The following PLEKHO2 variants were observed in gnomAD, a reference collection of about 807,000 sequenced individuals.
PLEKHO2 encodes pleckstrin homology domain-containing family O member 2.
PLEKHO2 carries 20 observed loss-of-function variants against 32.7 expected under a neutral mutation model. The ratio of observed to expected loss-of-function variants is 0.61; its 90% CI spans 0.43 to 0.89. The LOEUF (loss-of-function observed/expected upper bound fraction) is 0.89, where lower values mean the gene tolerates loss of function less well. Among genes scored for constraint, PLEKHO2 ranks in the 40% least tolerant of loss-of-function variants. PLEKHO2 has a pLI of 0.00. For missense variants in PLEKHO2, 568 were observed against 621.2 expected (o/e 0.91, Z 0.91); for synonymous variants, 247 against 246.3 (o/e 1.00, Z -0.03).
At chr15:64,858,686 TA>T (rs1418027344) in intron 3 of PLEKHO2, among the ~76,000 whole-genome samples, 1 of 152,210 alleles carries the variant, frequency 6.6e-6, no homozygotes, top group Non-Finnish European at 1.5e-5. Context: ...TGCTAATTCC[TA>T]TTACTGAGTA....
At chr15:64,844,044 C>T (rs866126658) in intron 1 of PLEKHO2, among the ~76,000 whole-genome samples, 20 of 152,230 alleles carry the variant, frequency 1.3e-4, no homozygotes, top group African/African-American at 4.6e-4. Flanking sequence ...CCTCCCACTT[C>T]TCCCAGTAGC....
rs866111472 is a variant in PLEKHO2 at position 64,864,447 on chromosome 15, G to A, written c.484-452G>A. 3.3e-5 allele frequency among the ~76,000 whole-genome samples: 5 copies of A among 152,316 alleles called. 1 individual carries two copies. The highest frequency in any genetic ancestry group is 4.1e-4 in the South Asian group (2 of 4,828). Reference sequence around the variant, plus strand: ...AGAAGTATGTTTGAGTCCTGGTCCTGTCTCTGACTGACCAACTGGTTGTGG... The same window carrying A: ...AGAAGTATGTTTGAGTCCTGGTCCTATCTCTGACTGACCAACTGGTTGTGG... On this transcript the variant is annotated intron_variant, in intron 5 of 5. Coordinates refer to ENST00000323544, the MANE Select transcript of PLEKHO2 (RefSeq NM_025201.5).
At chr15:64,861,869 A>G (rs2084644292) in intron 5 of PLEKHO2, among the ~76,000 whole-genome samples, 1 of 152,194 alleles carries the variant, frequency 6.6e-6, no homozygotes, top group South Asian at 2.1e-4. Flanking sequence ...CCTGCCCCTC[A>G]GAGCTCGTCT....
intron 1 of PLEKHO2, among the ~76,000 whole-genome samples, chr15:64,845,214 C>CTT (rs771584682): frequency 0.019 from 2,280 of 121,256 alleles, 46 homozygotes; most frequent in Non-Finnish European, 0.027. Context: ...GACCTGGCTT[C>CTT]TTTTTTTTTT....
At chr15:64,863,320 G>A (rs1056304823) in intron 5 of PLEKHO2, among the ~76,000 whole-genome samples, 27 of 152,258 alleles carry the variant, frequency 1.8e-4, no homozygotes, top group Non-Finnish European at 2.4e-4. Flanking sequence ...ACCCAAGGTC[G>A]TGGGAGGTCT....
At chr15:64,851,360 C>T (rs984753163) in intron 2 of PLEKHO2, among the ~76,000 whole-genome samples, 1 of 152,190 alleles carries the variant, frequency 6.6e-6, no homozygotes, top group Non-Finnish European at 1.5e-5. Flanking sequence ...CAGACTTGTC[C>T]TAAACTGCCT....
intron 4 of PLEKHO2, 60 bp downstream of exon 4, chr15:64,860,058 T>G: frequency 6.8e-7 from 1 of 1,479,292 alleles, no homozygotes; most frequent in African/African-American, 1.4e-5. Context: ...GCGTGTGATC[T>G]AGGAGAGGAC....
At position 64,843,636 on chromosome 15, in the gene PLEKHO2, A is replaced by G. The variant is rs565369057; in HGVS notation, c.12+1608A>G. On this transcript the variant is annotated intron_variant, in intron 1 of 5. Coordinates refer to ENST00000323544, the MANE Select transcript of PLEKHO2 (RefSeq NM_025201.5). ...GCTCTTGTTGCCCAGGCTGGAGTGC[A>G]GTGGCGAGATATTGGCTCACCGCAA... is the stretch of plus-strand genomic sequence containing the variant. Among the ~76,000 whole-genome samples, 124 of 147,642 alleles carry G rather than the reference A, an allele frequency of 8.4e-4. 1 individual carries two copies. Among genetic ancestry groups the G allele is most frequent in the African/African-American group, 3.0e-3 (120 of 39,738 alleles).
intron 3 of PLEKHO2, among the ~76,000 whole-genome samples, chr15:64,855,902 C>T (rs1039499761): frequency 1.3e-5 from 2 of 152,138 alleles, no homozygotes; most frequent in African/African-American, 4.8e-5. Flanking sequence ...TCTGTTTCTC[C>T]CCCAGCTTTA....
chr15:64,863,981 G>A lies in PLEKHO2; in HGVS notation c.484-918G>A, dbSNP rs556017926. Among the ~76,000 whole-genome samples, 634 of 152,278 alleles carry A rather than the reference G, an allele frequency of 4.2e-3. 7 individuals are homozygous for A. Among genetic ancestry groups the A allele is most frequent in the African/African-American group, 0.014 (600 of 41,554 alleles). ...TGGTCTCAAACTCTCGACCTCAGGT[G>A]ATCAGCCTGCCTCGGCCTCCCAAAG... On this transcript the variant is annotated intron_variant, in intron 5 of 5. Transcript: ENST00000323544.
intron 3 of PLEKHO2, among the ~76,000 whole-genome samples, chr15:64,857,129 T>G (rs1195359133): frequency 6.6e-5 from 10 of 152,176 alleles, no homozygotes; most frequent in Non-Finnish European, 2.9e-5. Flanking sequence ...CTTTCCTGCC[T>G]CCTCTCTTCC....
In PLEKHO2 at chr15:64,865,984, T is replaced by C. The variant is rs2084683530; in HGVS notation, c.*96T>C. The C allele has an allele frequency of 7.0e-7, 1 of 1,431,080 alleles. No homozygotes were observed. The highest frequency in any genetic ancestry group is 2.3e-5 in the Admixed American group (1 of 43,424). The allele number at this position is 1,431,080 out of a possible 1,614,324, so 88.6% of individuals were successfully genotyped here. A position where few individuals can be genotyped will look rare whatever the true frequency, so the allele number is the denominator to read the frequency against. ...AAATGTGCTTCTGCTTCTACAGCAA[T>C]GGCTGCAGGAGGGCCATTGGGCATG... On this transcript the variant is annotated 3_prime_UTR_variant, in exon 6 of 6. Transcript: ENST00000323544.
intron 5 of PLEKHO2, among the ~76,000 whole-genome samples, chr15:64,863,838 G>T (rs2084662810): frequency 6.6e-6 from 1 of 151,482 alleles, no homozygotes; most frequent in Non-Finnish European, 1.5e-5. Context: ...CCGCTTCCAG[G>T]GTTCAAGCAA....
Position 64,842,676 on chromosome 15 carries a change from G to A in PLEKHO2, c.12+648G>A, listed in dbSNP as rs149623880. ...GCTAGCTGTAGGGAAGGAATCGGGA[G>A]TCCGGCCCACCTAGGGTCTGATCTT... On this transcript the variant is annotated intron_variant, in intron 1 of 5. Transcript: ENST00000323544. Among the ~76,000 whole-genome samples the A allele has an allele frequency of 3.8e-3, 574 of 152,254 alleles. 2 individuals carry two copies. Among genetic ancestry groups the A allele is most frequent in the Middle Eastern group, 0.014 (4 of 294 alleles).
Position 64,842,027 on chromosome 15 carries a change from A to G in PLEKHO2, c.11A>G (p.Glu4Gly). The change falls in exon 1 of 6, where the codon GAG becomes GGG. Residue 4 changes from glutamate to glycine, a missense_variant and splice_region_variant. Physicochemically the swap from Glu to Gly is moderately conservative, Grantham distance 98. Transcript: ENST00000323544. The stretch of plus-strand genomic sequence containing the variant: ...CTCGGCGGACTCGCCATGGAGGAGG[A>G]GGTGAGGGCGGGGCCCGGCGGGGCG... MEE[E>G]GVKEAGEKPR... is the part of the protein sequence containing the mutation. The G allele has an allele frequency of 8.1e-7, 1 of 1,241,350 alleles. No homozygotes were observed. Among genetic ancestry groups the G allele is most frequent in the Non-Finnish European group, 1.0e-6 (1 of 992,674 alleles). The allele number at this position is 1,241,350 out of a possible 1,614,324, so 76.9% of individuals were successfully genotyped here.
chr15:64,863,812 C>T (rs916429598), intron 5 of PLEKHO2, among the ~76,000 whole-genome samples: 39 of 150,030 alleles, frequency 2.6e-4, no homozygotes, highest in Non-Finnish European at 4.7e-4. Flanking sequence ...GGCATGATCT[C>T]GGCTCACTGC....
intron 2 of PLEKHO2, among the ~76,000 whole-genome samples, chr15:64,850,903 G>A (rs1281770992): frequency 6.6e-6 from 1 of 152,224 alleles, no homozygotes; most frequent in Non-Finnish European, 1.5e-5. Context: ...ATATGCCTTT[G>A]ACAAATGAAA....
chr15:64,865,753 G>A lies in PLEKHO2; in HGVS notation c.1338G>A (p.Gln446=), dbSNP rs2084680809. 1 of 1,614,134 alleles carries A rather than the reference G, an allele frequency of 6.2e-7. No individual in the cohort carries two copies. The highest frequency in any genetic ancestry group is 1.1e-5 in the South Asian group (1 of 91,092). ...APVSAETLLS[Q]AVEQLRQATQ... is the part of the protein sequence containing the mutation. ...TTAGTGCCGAAACATTGCTCAGCCA[G>A]GCTGTGGAGCAGCTGAGGCAGGCCA... The change falls in exon 6 of 6, where the codon CAG becomes CAA. Residue 446 remains glutamine, a synonymous_variant. Coordinates refer to ENST00000323544, the MANE Select transcript of PLEKHO2 (RefSeq NM_025201.5).
intron 1 of PLEKHO2, among the ~76,000 whole-genome samples, chr15:64,845,946 C>A (rs879600256): frequency 2.0e-5 from 3 of 152,160 alleles, no homozygotes; most frequent in Non-Finnish European, 2.9e-5. Context: ...ACTCCACAGA[C>A]CTCACTGCCT....
Sources: gnomAD v4.1 joint callset for allele counts (sites outside exome capture counted in the v4.1 genomes callset) on GRCh38, gnomAD v4.1.1 for gene constraint, MANE v1.5 for transcripts, NCBI Gene and HGNC (gene_info 2026-07-23, HGNC 2026-07-21) for gene names.